BRAF: variants seen among roughly 807,000 people sequenced by gnomAD.
BRAF encodes serine/threonine-protein kinase B-raf.
A neutral mutation model predicts 104.6 loss-of-function variants in BRAF; 16 were observed. That is an observed-to-expected ratio of 0.15 (90% CI 0.10 to 0.23). The LOEUF is 0.23. Among genes scored for constraint, BRAF ranks in the 10% least tolerant of loss-of-function variants. The pLI, the probability that BRAF is intolerant of heterozygous loss-of-function variation, is 1.00. For missense variants in BRAF, 541 were observed against 937.3 expected, an observed-to-expected ratio of 0.58 and a Z score of 5.52; for synonymous variants, 310 against 341.6, an observed-to-expected ratio of 0.91 and a Z score of 1.02.
Position 140,726,162 on chromosome 7 carries a change from T to C in BRAF, c.*332A>G. 8.8e-7 allele frequency: 1 copy of C among 1,140,816 alleles called. No individual in the cohort carries two copies. Among genetic ancestry groups the C allele is most frequent in the Non-Finnish European group, 1.1e-6 (1 of 929,172 alleles). 70.7% of individuals were successfully genotyped at this position (1,140,816 alleles called of 1,614,324 possible). A position where few individuals can be genotyped will look rare whatever the true frequency, so the allele number is the denominator to read the frequency against. On this transcript the variant is annotated 3_prime_UTR_variant, in exon 20 of 20. Transcript: ENST00000644969. The stretch of plus-strand genomic sequence containing the variant: ...TGACTGGCAGACTTTCCATAGCAAA[T>C]CTCCCAAGCTGTAGCAGCAGTTTCT...
intron 8 of BRAF, among the ~76,000 whole-genome samples, chr7:140,788,889 A>G (rs73165463): frequency 0.058 from 8,839 of 151,540 alleles, 502 homozygotes; most frequent in South Asian, 0.18. Context: ...GCAACCGGCC[A>G]CTAAAATTTG....
chr7:140,923,019 G>C (rs796814697), intron 1 of BRAF, among the ~76,000 whole-genome samples: 19 of 152,240 alleles, frequency 1.2e-4, no homozygotes, highest in African/African-American at 4.6e-4. Context: ...CTGAAAAGTG[G>C]AATGATTTTA....
At chr7:140,820,123 A>G (rs916750044) in intron 3 of BRAF, among the ~76,000 whole-genome samples, 24 of 152,338 alleles carry the variant, frequency 1.6e-4, no homozygotes, top group Non-Finnish European at 3.1e-4. Flanking sequence ...AATACAAACA[A>G]CTGTCATACA....
intron 1 of BRAF, among the ~76,000 whole-genome samples, chr7:140,883,124 G>A (rs1007346806): frequency 1.3e-5 from 2 of 152,070 alleles, no homozygotes; most frequent in African/African-American, 4.8e-5. Context: ...TACCAAAACA[G>A]TTGATCTTCT....
chr7:140,727,053 CA>C (rs1455130966), intron 19 of BRAF, among the ~76,000 whole-genome samples: 1 of 152,076 alleles, frequency 6.6e-6, no homozygotes, highest in African/African-American at 2.4e-5. Flanking sequence ...TTCAATCTAA[CA>C]AAAAATTAAA....
intron 17 of BRAF, among the ~76,000 whole-genome samples, chr7:140,745,141 G>C (rs892826500): frequency 2.0e-5 from 3 of 152,022 alleles, no homozygotes; most frequent in African/African-American, 7.2e-5. Context: ...ATGGTTTTTA[G>C]ATTTTGATGT....
intron 18 of BRAF, among the ~76,000 whole-genome samples, chr7:140,739,555 A>G (rs1278875726): frequency 6.6e-6 from 1 of 152,076 alleles, no homozygotes; most frequent in African/African-American, 2.4e-5. Flanking sequence ...TAAATGTGTA[A>G]AAGAGTTCAA....
At chr7:140,838,913 T>A (rs950953160) in intron 2 of BRAF, among the ~76,000 whole-genome samples, 3 of 152,130 alleles carry the variant, frequency 2.0e-5, no homozygotes, top group Non-Finnish European at 2.9e-5. Context: ...AATCAGATAG[T>A]GGTGACAGTT....
At chr7:140,730,208 G>A (rs560513388) in intron 19 of BRAF, among the ~76,000 whole-genome samples, 32 of 151,710 alleles carry the variant, frequency 2.1e-4, no homozygotes, top group Non-Finnish European at 4.1e-4. Flanking sequence ...TCTATTTGAA[G>A]AGCCAACTCT....
chr7:140,795,723 T>A (rs768462577), intron 7 of BRAF, among the ~76,000 whole-genome samples: 2 of 152,194 alleles, frequency 1.3e-5, no homozygotes, highest in Non-Finnish European at 2.9e-5. Context: ...TTCATGTGTT[T>A]ATATTAATGA....
In BRAF at chr7:140,834,807, A is replaced by G; in HGVS notation, c.306T>C (p.Ser102=). The G allele has an allele frequency of 6.2e-7, 1 of 1,614,158 alleles. No homozygotes were observed. Among genetic ancestry groups the G allele is most frequent in the Non-Finnish European group, 8.5e-7 (1 of 1,179,982 alleles). The part of the protein sequence containing the change: ...LQQREQQLLE[S]LGNGTDFSVS... ...CAGAAAAATCAGTTCCGTTCCCCAG[A>G]GATTCCAATAACTGTTGTTCTCTTT... Residue 102 remains serine (S), a synonymous_variant, in exon 3 of 20, where the codon TCT becomes TCC. Coordinates refer to ENST00000644969, the MANE Select transcript of BRAF (RefSeq NM_001374258.1).
At chr7:140,800,247 G>C (rs1164239760) in intron 7 of BRAF, 115 bp downstream of exon 7, 1 of 1,519,876 alleles carries the variant, frequency 6.6e-7, no homozygotes, top group Non-Finnish European at 9.1e-7. Context: ...AGTTATTTGG[G>C]GAAAAAGTCC....
chr7:140,717,493 C>G (rs766237160), downstream of BRAF, among the ~76,000 whole-genome samples: 3 of 152,132 alleles, frequency 2.0e-5, no homozygotes. Flanking sequence ...AGTGATCCTC[C>G]CACTTTAGCC....
At chr7:140,784,185 T>C (rs1369184136) in intron 10 of BRAF, among the ~76,000 whole-genome samples, 3 of 152,244 alleles carry the variant, frequency 2.0e-5, no homozygotes, top group Non-Finnish European at 2.9e-5. Context: ...AAAGAGCCAC[T>C]ATCTTTCAGA....
intron 1 of BRAF, among the ~76,000 whole-genome samples, chr7:140,902,575 A>C (rs1815773251): frequency 1.3e-5 from 2 of 152,236 alleles, no homozygotes; most frequent in Non-Finnish European, 2.9e-5. Context: ...CCAGATTGTA[A>C]ATGCAAAGGC....
At position 140,743,505 on chromosome 7, in the gene BRAF, TAG is replaced by T. The variant is rs1198322415; in HGVS notation, c.2113-3561_2113-3560del. The stretch of plus-strand genomic sequence containing the variant: ...ACCAAACACCGCATATTCTCACTCA[TAG>T]GTGGGAATTGAACAATGAGAACACG... On this transcript the variant is annotated intron_variant, in intron 17 of 19. Transcript: ENST00000644969. 2.2e-4 allele frequency among the ~76,000 whole-genome samples: 33 copies of T among 152,046 alleles called. No individual in the cohort carries two copies. The East Asian group carries it at 6.0e-3, about 28-fold the overall frequency.
chr7:140,731,693 A>G (rs564988329), intron 19 of BRAF: 1 of 152,328 alleles, frequency 6.6e-6, no homozygotes, highest in South Asian at 2.1e-4. Flanking sequence ...GAAAATAAAT[A>G]AATAAAAAAG....
At chr7:140,855,680 T>G (rs1289713525) in intron 1 of BRAF, among the ~76,000 whole-genome samples, 3 of 151,832 alleles carry the variant, frequency 2.0e-5, no homozygotes, top group Admixed American at 6.6e-5. Context: ...TAAATTACTT[T>G]AAGAAGCTAG....
At chr7:140,905,197 C>G (rs1453075788) in intron 1 of BRAF, among the ~76,000 whole-genome samples, 1 of 152,202 alleles carries the variant, frequency 6.6e-6, no homozygotes, top group African/African-American at 2.4e-5. Context: ...TATATCCTAA[C>G]TAACCTGTCT....
Sources: gnomAD v4.1 joint callset for allele counts (sites outside exome capture counted in the v4.1 genomes callset) on GRCh38, gnomAD v4.1.1 for gene constraint, MANE v1.5 for transcripts, NCBI Gene and HGNC (gene_info 2026-07-23, HGNC 2026-07-21) for gene names.